CNGA3: variants seen among roughly 807,000 people sequenced by gnomAD.
The protein encoded by CNGA3 is cyclic nucleotide gated channel subunit alpha 3, also known as cyclic nucleotide-gated channel alpha-3.
In CNGA3, 42 loss-of-function variants were observed where a neutral mutation model predicts 46.6. The observed-to-expected ratio is 0.90, with a 90% CI of 0.70 to 1.17. The LOEUF is 1.17. CNGA3 is among the 50% of genes most tolerant of loss of function. The pLI is 0.00. For missense variants in CNGA3, 893 were observed against 890.7 expected, an observed-to-expected ratio of 1.00 and a Z score of -0.03; for synonymous variants, 394 against 369.4, an observed-to-expected ratio of 1.07 and a Z score of -0.76.
chr2:98,391,833 C>T, intron 6 of CNGA3, 31 bp from the exon 7 acceptor site: 1 of 1,602,264 alleles, frequency 6.2e-7, no homozygotes. Flanking sequence ...AACACACGCA[C>T]AGCCATCCAT....
chr2:98,380,018 C>A, intron 3 of CNGA3, 157 bp from the exon 4 acceptor site: 1 of 813,524 alleles, frequency 1.2e-6, no homozygotes, highest in Non-Finnish European at 2.0e-6. Context: ...GACCACAGGG[C>A]CCCCAGCACC....
chr2:98,387,809 G>A (rs1329512555), intron 5 of CNGA3, among the ~76,000 whole-genome samples: 3 of 152,210 alleles, frequency 2.0e-5, no homozygotes, highest in African/African-American at 7.2e-5. Flanking sequence ...ACTTGATCCA[G>A]AGAGAGGTTT....
intron 1 of CNGA3, among the ~76,000 whole-genome samples, chr2:98,352,253 C>T (rs1247862794): frequency 6.6e-6 from 1 of 152,154 alleles, no homozygotes; most frequent in Non-Finnish European, 1.5e-5. Flanking sequence ...TGTGGACATA[C>T]TACATTTTGT....
intron 7 of CNGA3, 107 bp from the exon 8 acceptor site, chr2:98,395,737 T>A: frequency 7.1e-6 from 6 of 842,690 alleles, no homozygotes; most frequent in Non-Finnish European, 1.2e-5. Context: ...CTATTATATA[T>A]GTATCACTGC....
At chr2:98,359,147 C>T (rs1347538482) in intron 1 of CNGA3, among the ~76,000 whole-genome samples, 1 of 152,198 alleles carries the variant, frequency 6.6e-6, no homozygotes, top group African/African-American at 2.4e-5. Flanking sequence ...AGGGGTTCTC[C>T]AAGGAGCCAG....
chr2:98,363,495 C>T (rs1033799377), intron 1 of CNGA3, among the ~76,000 whole-genome samples: 2 of 152,110 alleles, frequency 1.3e-5, no homozygotes, highest in Admixed American at 6.5e-5. Flanking sequence ...TATCCTGACA[C>T]TTTGCTGAGG....
In CNGA3 at chr2:98,391,395, T is replaced by C. The variant is rs143690148; in HGVS notation, c.567-469T>C. ...GGGCAGGCTGCTGTGCCCGTGAGGA[T>C]AGGAGGAGAGCTGGGGGTGCTGCCT... On this transcript the variant is annotated intron_variant, in intron 6 of 7. Coordinates refer to ENST00000272602, the MANE Select transcript of CNGA3 (RefSeq NM_001298.3). Among the ~76,000 whole-genome samples the C allele has an allele frequency of 9.3e-4, 141 of 152,200 alleles. 6 individuals are homozygous for C. Among genetic ancestry groups the C allele is most frequent in the Admixed American group, 1.3e-3 (20 of 15,294 alleles).
chr2:98,367,845 G>A (rs1692198265), intron 1 of CNGA3, among the ~76,000 whole-genome samples: 1 of 152,136 alleles, frequency 6.6e-6, no homozygotes, highest in Non-Finnish European at 1.5e-5. Context: ...TCACCTCACA[G>A]GGAACTCATG....
In CNGA3 at chr2:98,370,024, A is replaced by G; in HGVS notation, c.49A>G (p.Lys17Glu). ...QYSHPSRTHL[K>E]VKTSDRDLNR... Reference sequence around the variant, plus strand: ...CTCCCACCCCTCCAGGACCCACCTCAAGGTAAAGACCTCAGACCGAGATCT... The same window carrying G: ...CTCCCACCCCTCCAGGACCCACCTCGAGGTAAAGACCTCAGACCGAGATCT... Residue 17 changes from lysine to glutamate, a missense_variant, in exon 2 of 8, where the codon AAG becomes GAG. Around this residue, in one of 3 missense-constraint regions of CNGA3, gnomAD observed 333 missense variants for 290.8 expected, o/e 1.15. Coordinates refer to ENST00000272602, the MANE Select transcript of CNGA3 (RefSeq NM_001298.3). The G allele has an allele frequency of 6.2e-7, 1 of 1,614,050 alleles. No individual in the cohort carries two copies. Among genetic ancestry groups the G allele is most frequent in the Non-Finnish European group, 8.5e-7 (1 of 1,179,982 alleles).
intron 1 of CNGA3, among the ~76,000 whole-genome samples, chr2:98,353,933 T>C (rs537103158): frequency 1.3e-5 from 2 of 152,194 alleles, no homozygotes; most frequent in East Asian, 3.9e-4. Flanking sequence ...CTCACTGTCA[T>C]CAGAACAGCA....
At position 98,396,357 on chromosome 2, in the gene CNGA3, T is replaced by C; in HGVS notation, c.1187T>C (p.Val396Ala). The change falls in exon 8 of 8, where the codon GTG becomes GCG. Residue 396 changes from valine (V) to alanine (A), a missense_variant. Physicochemically the swap from Val to Ala is moderately conservative, Grantham distance 64 (BLOSUM62 0). Transcript: ENST00000272602. ...GGTGTTCTGATTTTTGCCACCATTG[T>C]GGGCAATGTGGGCTCCATGATCTCG... ...LVGVLIFATI[V>A]GNVGSMISNM... The C allele has an allele frequency of 1.9e-6, 3 of 1,613,040 alleles. No homozygotes were observed. The highest frequency in any genetic ancestry group is 2.5e-6 in the Non-Finnish European group (3 of 1,179,188).
At chr2:98,347,628 C>T (rs1159388753) in intron 1 of CNGA3, among the ~76,000 whole-genome samples, 3 of 152,224 alleles carry the variant, frequency 2.0e-5, no homozygotes, top group Admixed American at 6.5e-5. Context: ...TTGGCCTGAA[C>T]CAGGTGCCTC....
At chr2:98,368,998 A>C (rs1055498006) in intron 1 of CNGA3, among the ~76,000 whole-genome samples, 3 of 152,258 alleles carry the variant, frequency 2.0e-5, no homozygotes, top group Admixed American at 6.5e-5. Flanking sequence ...TAACTGGGGA[A>C]GTTGCGAATC....
Position 98,396,235 on chromosome 2 carries a change from T to G in CNGA3, c.1065T>G (p.Ser355Arg), listed in dbSNP as rs1277409725. Residue 355 changes from serine to arginine, a missense_variant, in exon 8 of 8, where the codon AGT becomes AGG. Transcript: ENST00000272602. ...GCCTCTCCAGGAAGTACATTTACAG[T>G]CTCTACTGGTCCACCTTGACCCTTA... is the stretch of plus-strand genomic sequence containing the variant. ...HGRLSRKYIY[S>R]LYWSTLTLTT... 2 of 1,613,852 alleles carry G rather than the reference T, an allele frequency of 1.2e-6. No homozygotes were observed. Among genetic ancestry groups the G allele is most frequent in the Non-Finnish European group, 1.7e-6 (2 of 1,179,986 alleles).
At chr2:98,385,978 A>G (rs1198022358) in intron 5 of CNGA3, among the ~76,000 whole-genome samples, 1 of 152,218 alleles carries the variant, frequency 6.6e-6, no homozygotes, top group Non-Finnish European at 1.5e-5. Context: ...ACAGGGACAC[A>G]GATTCAAACC....
intron 2 of CNGA3, among the ~76,000 whole-genome samples, chr2:98,375,259 A>G (rs2104190718): frequency 6.6e-6 from 1 of 152,366 alleles, no homozygotes; most frequent in East Asian, 1.9e-4. Flanking sequence ...TGCAATTAGC[A>G]GGAACCAGAC....
chr2:98,382,880 T>C (rs1433191225), intron 4 of CNGA3, among the ~76,000 whole-genome samples: 1 of 152,180 alleles, frequency 6.6e-6, no homozygotes, highest in Non-Finnish European at 1.5e-5. Flanking sequence ...CTATGCTCAA[T>C]TACTTGCCCT....
At chr2:98,370,097 C>T (rs1379189943) in intron 2 of CNGA3, 21 bp downstream of exon 2, 9 of 1,568,568 alleles carry the variant, frequency 5.7e-6, no homozygotes, top group Non-Finnish European at 7.9e-6. Context: ...CTAAGATGGG[C>T]TTTTCATTTT....
intron 1 of CNGA3, among the ~76,000 whole-genome samples, chr2:98,361,962 C>T (rs1692044094): frequency 6.6e-6 from 1 of 152,038 alleles, no homozygotes; most frequent in Non-Finnish European, 1.5e-5. Context: ...CTGCCTCGGC[C>T]TCCCAAAGTG....
Sources: gnomAD v4.1 joint callset for allele counts (sites outside exome capture counted in the v4.1 genomes callset) on GRCh38, gnomAD v4.1.1 for gene constraint, gnomAD v4.1.1 regional missense constraint, MANE v1.5 for transcripts, NCBI Gene and HGNC (gene_info 2026-07-23, HGNC 2026-07-21) for gene names.